The following RIT2 variants were observed in gnomAD, a reference collection of about 807,000 sequenced individuals.
RIT2 encodes Ras like without CAAX 2.
RIT2 carries 24 observed loss-of-function variants against 23.7 expected under a neutral mutation model. That is an observed-to-expected ratio of 1.01 (90% CI 0.73 to 1.43). The LOEUF (loss-of-function observed/expected upper bound fraction) is 1.43. Among genes scored for constraint, RIT2 ranks in the 40% most tolerant of loss-of-function variants. The pLI, the probability that RIT2 is intolerant of heterozygous loss-of-function variation, is 0.00. For missense variants in RIT2, 236 were observed against 266.9 expected (o/e 0.88, Z 0.81); for synonymous variants, 107 against 91.1 (o/e 1.17, Z -0.99).
chr18:42,751,653 T>C (rs1284575117), intron 4 of RIT2, among the ~76,000 whole-genome samples: 1 of 152,008 alleles, frequency 6.6e-6, no homozygotes, highest in African/African-American at 2.4e-5. Flanking sequence ...TGATAAGTAA[T>C]GTAGGAATCA....
chr18:42,841,834 T>C (rs1364389117), intron 4 of RIT2, among the ~76,000 whole-genome samples: 1 of 152,224 alleles, frequency 6.6e-6, no homozygotes, highest in Admixed American at 6.5e-5. Flanking sequence ...GTCCAAGCTC[T>C]GAAGCAGGTG....
intron 3 of RIT2, among the ~76,000 whole-genome samples, chr18:42,961,074 G>A (rs1410391025): frequency 6.6e-6 from 1 of 152,030 alleles, no homozygotes; most frequent in Non-Finnish European, 1.5e-5. Context: ...TTATATCTGG[G>A]ATAAACAGAG....
At position 42,890,719 on chromosome 18, in the gene RIT2, A is replaced by G. The variant is rs367771346; in HGVS notation, c.426+32853T>C. The stretch of plus-strand genomic sequence containing the variant: ...GGACATTAATGTAGCCTGCTTTTAG[A>G]CCCACTTAATTGGTTTCACATTCTT... On this transcript the variant is annotated intron_variant, in intron 4 of 4. Coordinates refer to ENST00000326695, the MANE Select transcript of RIT2 (RefSeq NM_002930.4). Among the ~76,000 whole-genome samples the G allele has an allele frequency of 4.6e-5, 7 of 152,184 alleles. No individual in the cohort carries two copies. In the East Asian group the frequency reaches 1.4e-3, roughly 29 times the overall value.
intron 3 of RIT2, among the ~76,000 whole-genome samples, chr18:42,929,034 G>GATATATATATATAT (rs770619793): frequency 0.075 from 7,244 of 96,446 alleles, 330 homozygotes; most frequent in East Asian, 0.25. Flanking sequence ...AAAATATGGA[G>GATATATATATATAT]ATATATATAT....
intron 1 of RIT2, among the ~76,000 whole-genome samples, chr18:43,056,549 TA>T (rs1568069164): frequency 6.6e-6 from 1 of 152,060 alleles, no homozygotes; most frequent in Admixed American, 6.6e-5. Context: ...AAATGACCAA[TA>T]GGGGACAGTG....
In RIT2 at chr18:42,795,518, C is replaced by A. The variant is rs559621224; in HGVS notation, c.427-51798G>T. 2.6e-5 allele frequency among the ~76,000 whole-genome samples: 4 copies of A among 152,348 alleles called. No individual in the cohort carries two copies. The South Asian group carries it at 6.2e-4, about 24-fold the overall frequency. ...CCCGCCATGCTTGAGCCTCCCACCC[C>A]CTCCATGGGCTCCTGTGCGCCTGAG... On this transcript the variant is annotated intron_variant, in intron 4 of 4. Coordinates refer to ENST00000326695, the MANE Select transcript of RIT2 (RefSeq NM_002930.4).
intron 4 of RIT2, among the ~76,000 whole-genome samples, chr18:42,812,449 G>A (rs936034297): frequency 1.2e-4 from 18 of 152,086 alleles, no homozygotes; most frequent in African/African-American, 4.3e-4. Context: ...GCATAAACTG[G>A]TTCATATTGA....
At chr18:42,970,264 A>G (rs1392832410) in intron 3 of RIT2, among the ~76,000 whole-genome samples, 1 of 152,100 alleles carries the variant, frequency 6.6e-6, no homozygotes, top group Non-Finnish European at 1.5e-5. Flanking sequence ...ACTCTTTCTA[A>G]TAAGTAAAGT....
chr18:42,852,168 T>A (rs997933970), intron 4 of RIT2, among the ~76,000 whole-genome samples: 1 of 152,226 alleles, frequency 6.6e-6, no homozygotes, highest in South Asian at 2.1e-4. Flanking sequence ...AAATACAAAG[T>A]GTGCCTTAAC....
At chr18:43,036,146 T>TA (rs759910731) in intron 1 of RIT2, among the ~76,000 whole-genome samples, 1 of 152,194 alleles carries the variant, frequency 6.6e-6, no homozygotes, top group Non-Finnish European at 1.5e-5. Flanking sequence ...GAAAGCATTT[T>TA]AATAAATAAT....
chr18:43,022,696 G>C (rs1249748364), intron 2 of RIT2, among the ~76,000 whole-genome samples: 1 of 151,946 alleles, frequency 6.6e-6, no homozygotes, highest in African/African-American at 2.4e-5. Context: ...TATGAGGGCA[G>C]GAAAGTTGTT....
chr18:42,824,070 T>C (rs1399698771), intron 4 of RIT2, among the ~76,000 whole-genome samples: 1 of 152,146 alleles, frequency 6.6e-6, no homozygotes, highest in African/African-American at 2.4e-5. Flanking sequence ...AGTTATTCAG[T>C]AAATGATGTT....
chr18:43,002,266 G>A (rs1438887207), intron 2 of RIT2, among the ~76,000 whole-genome samples: 6 of 151,812 alleles, frequency 4.0e-5, no homozygotes, highest in Admixed American at 2.6e-4. Context: ...TTAATCGGTC[G>A]AATTCTTCCA....
intron 2 of RIT2, 33 bp downstream of exon 2, chr18:43,033,778 T>C (rs779963531): frequency 6.8e-7 from 1 of 1,479,762 alleles, no homozygotes; most frequent in East Asian, 2.3e-5. Flanking sequence ...GTGTCTTTAT[T>C]TGAGCTTACG....
intron 4 of RIT2, among the ~76,000 whole-genome samples, chr18:42,915,798 A>G (rs1463815074): frequency 1.3e-5 from 2 of 152,140 alleles, no homozygotes; most frequent in East Asian, 3.9e-4. Flanking sequence ...TGTTTTTAAT[A>G]TAAACATTAT....
chr18:42,876,161 T>C (rs967093343), intron 4 of RIT2, among the ~76,000 whole-genome samples: 3 of 151,968 alleles, frequency 2.0e-5, no homozygotes, highest in African/African-American at 7.2e-5. Context: ...CATTTGGTAG[T>C]TCAGCACTCT....
chr18:42,917,601 A>G (rs1320482940), intron 4 of RIT2, among the ~76,000 whole-genome samples: 1 of 152,122 alleles, frequency 6.6e-6, no homozygotes, highest in Non-Finnish European at 1.5e-5. Context: ...CAACGACAAG[A>G]CTGACTAAAT....
intron 3 of RIT2, among the ~76,000 whole-genome samples, chr18:42,966,506 A>G (rs1910227356): frequency 6.6e-6 from 1 of 152,204 alleles, no homozygotes; most frequent in African/African-American, 2.4e-5. Context: ...AATGATAAAT[A>G]TAAATCTAAA....
chr18:43,073,541 C>A (rs1912944313), intron 1 of RIT2, among the ~76,000 whole-genome samples: 1 of 152,190 alleles, frequency 6.6e-6, no homozygotes, highest in Admixed American at 6.5e-5. Context: ...CTTCATATAA[C>A]TAAGGCCCTC....
Sources: gnomAD v4.1 joint callset for allele counts (sites outside exome capture counted in the v4.1 genomes callset) on GRCh38, gnomAD v4.1.1 for gene constraint, MANE v1.5 for transcripts, NCBI Gene and HGNC (gene_info 2026-07-23, HGNC 2026-07-21) for gene names.